The following SNX9 variants were observed in gnomAD, a reference collection of about 807,000 sequenced individuals.
SNX9 encodes sorting nexin 9, also known as sorting nexin-9.
SNX9 carries 44 observed loss-of-function variants against 89.4 expected under a neutral mutation model. The ratio of observed to expected loss-of-function variants is 0.49; its 90% confidence interval spans 0.39 to 0.63. The LOEUF (loss-of-function observed/expected upper bound fraction) is 0.63. Ranked by LOEUF, SNX9 falls within the 30% of genes least tolerant of loss-of-function variation. SNX9 has a pLI of 0.00. For missense variants in SNX9, 578 were observed against 736.1 expected (o/e 0.79, Z 2.49); for synonymous variants, 236 against 247.8 (o/e 0.95, Z 0.45).
At position 157,823,587 on chromosome 6, in the gene SNX9, G is replaced by A. The variant is rs1781281002; in HGVS notation, c.12+141G>A. On this transcript the variant is annotated intron_variant, in intron 1 of 17. Transcript: ENST00000392185. The surrounding 1 kb of genome is among the most constrained non-coding windows in gnomAD (Gnocchi z 4.6). ...GCTTCCTCGGTGGAGTCCCCGGGCG[G>A]GTCCGCGGCCCAGCCAGTCCCTTCT... 2.9e-6 allele frequency: 2 copies of A among 683,428 alleles called. No individual in the cohort carries two copies. Among genetic ancestry groups the A allele is most frequent in the African/African-American group, 1.9e-5 (1 of 52,244 alleles). 42.3% of individuals were successfully genotyped at this position (683,428 alleles called of 1,614,324 possible). A position where few individuals can be genotyped will look rare whatever the true frequency, so the allele number is the denominator to read the frequency against.
rs115828561 is a variant in SNX9, at chr6:157,828,969, A to T, written c.12+5523A>T. 4.9e-3 allele frequency among the ~76,000 whole-genome samples: 739 copies of T among 152,246 alleles called. 7 individuals are homozygous for T. The highest frequency in any genetic ancestry group is 0.017 in the African/African-American group (709 of 41,526). On this transcript the variant is annotated intron_variant, in intron 1 of 17. Transcript: ENST00000392185. Reference sequence around the variant, plus strand: ...GTTTGTGATCACTTTTGTATCTTCAATGACAAGTTTAAAAGAGCAAAAATA... The same window carrying T: ...GTTTGTGATCACTTTTGTATCTTCATTGACAAGTTTAAAAGAGCAAAAATA...
intron 1 of SNX9, among the ~76,000 whole-genome samples, chr6:157,845,876 CT>C (rs1243557610): frequency 6.6e-6 from 1 of 152,142 alleles, no homozygotes; most frequent in African/African-American, 2.4e-5. Flanking sequence ...TTGTTTTGTT[CT>C]TTACTCTTAT....
At chr6:157,900,304 A>G (rs1305542964) in intron 5 of SNX9, among the ~76,000 whole-genome samples, 1 of 151,988 alleles carries the variant, frequency 6.6e-6, no homozygotes, top group Non-Finnish European at 1.5e-5. Flanking sequence ...TCCATTTTTT[A>G]ATTGAGCTTT....
intron 4 of SNX9, among the ~76,000 whole-genome samples, chr6:157,882,108 G>T (rs1173534478): frequency 6.6e-6 from 1 of 152,154 alleles, no homozygotes; most frequent in Non-Finnish European, 1.5e-5. Flanking sequence ...GGCTAATGCG[G>T]CTGGTAACTT....
At chr6:157,839,626 C>T (rs1238115440) in intron 1 of SNX9, among the ~76,000 whole-genome samples, 1 of 152,236 alleles carries the variant, frequency 6.6e-6, no homozygotes, top group Non-Finnish European at 1.5e-5. Context: ...CAACAAATTA[C>T]ATCCCCGTCC....
At chr6:157,825,715 C>A (rs907653119) in intron 1 of SNX9, among the ~76,000 whole-genome samples, 28 of 152,300 alleles carry the variant, frequency 1.8e-4, no homozygotes, top group African/African-American at 6.0e-4. Context: ...TAAAAGAAGA[C>A]CCTTCCTTTG....
At chr6:157,941,953 G>A (rs528810916) in intron 17 of SNX9, among the ~76,000 whole-genome samples, 1 of 152,278 alleles carries the variant, frequency 6.6e-6, no homozygotes, top group East Asian at 1.9e-4. Context: ...GCCTTTCATT[G>A]TATATTAGAA....
intron 4 of SNX9, among the ~76,000 whole-genome samples, chr6:157,893,547 A>C (rs927882291): frequency 6.6e-6 from 1 of 152,032 alleles, no homozygotes; most frequent in Non-Finnish European, 1.5e-5. Flanking sequence ...TAGGGGCTAT[A>C]TTAGACAGGG....
intron 5 of SNX9, among the ~76,000 whole-genome samples, chr6:157,899,073 A>G (rs1466757841): frequency 6.6e-6 from 1 of 150,946 alleles, no homozygotes; most frequent in East Asian, 1.9e-4. Flanking sequence ...GAAGGAGGAG[A>G]GCCCACAGGG....
chr6:157,889,035 G>A (rs1782798508), intron 4 of SNX9, among the ~76,000 whole-genome samples: 1 of 152,168 alleles, frequency 6.6e-6, no homozygotes, highest in African/African-American at 2.4e-5. Context: ...AAACGAAGAG[G>A]CATCTCAGCA....
chr6:157,897,069 T>A, intron 5 of SNX9, 71 bp downstream of exon 5: 4 of 1,396,732 alleles, frequency 2.9e-6, no homozygotes, highest in Non-Finnish European at 3.8e-6. Flanking sequence ...AAGACCGAAC[T>A]GTTTTTGCTG....
intron 1 of SNX9, among the ~76,000 whole-genome samples, chr6:157,827,862 C>CTTT (rs67464115): frequency 7.5e-6 from 1 of 133,920 alleles, no homozygotes; most frequent in East Asian, 2.2e-4. Flanking sequence ...GTTCCTGATG[C>CTTT]TTTTTTTTTT....
chr6:157,899,157 G>A (rs564640143), intron 5 of SNX9, among the ~76,000 whole-genome samples: 4 of 152,086 alleles, frequency 2.6e-5, no homozygotes, highest in African/African-American at 7.2e-5. Flanking sequence ...TATCTGACAC[G>A]GGGATTATTG....
intron 1 of SNX9, among the ~76,000 whole-genome samples, chr6:157,829,845 A>G (rs1414572142): frequency 6.6e-6 from 1 of 152,158 alleles, no homozygotes; most frequent in African/African-American, 2.4e-5. Context: ...GCCTGCCTGT[A>G]CAGCATTGTG....
chr6:157,828,085 G>C (rs1157056726), intron 1 of SNX9, among the ~76,000 whole-genome samples: 1 of 152,108 alleles, frequency 6.6e-6, no homozygotes. Context: ...TTGACGACTA[G>C]AATAGAAATA....
chr6:157,897,328 T>A (rs1783000936), intron 5 of SNX9, among the ~76,000 whole-genome samples: 1 of 152,066 alleles, frequency 6.6e-6, no homozygotes, highest in Non-Finnish European at 1.5e-5. Flanking sequence ...AAAGCTCAAT[T>A]TACAGGATGC....
At chr6:157,911,614 C>T (rs1171649310) in intron 9 of SNX9, among the ~76,000 whole-genome samples, 1 of 152,194 alleles carries the variant, frequency 6.6e-6, no homozygotes, top group Non-Finnish European at 1.5e-5. Context: ...AGACATTAAA[C>T]AGGTTCCCCT....
chr6:157,939,682 G>A (rs375563667), intron 16 of SNX9, among the ~76,000 whole-genome samples: 18 of 152,162 alleles, frequency 1.2e-4, no homozygotes, highest in Admixed American at 7.9e-4. Context: ...AGGCCACTAC[G>A]GCAAAAACGA....
intron 6 of SNX9, 60 bp from the exon 7 acceptor site, chr6:157,906,068 A>G (rs922353171): frequency 1.4e-4 from 192 of 1,395,658 alleles, no homozygotes; most frequent in Non-Finnish European, 1.8e-4. Context: ...TGTAGACGAG[A>G]GTTGTAAAAT....
Sources: allele counts gnomAD v4.1 joint callset (sites outside exome capture counted in the v4.1 genomes callset), GRCh38; gene constraint gnomAD v4.1.1; non-coding constraint Gnocchi (gnomAD v3.1); transcripts MANE v1.5; gene names NCBI Gene and HGNC (gene_info 2026-07-23, HGNC 2026-07-21).